SS18L1: variants seen among roughly 807,000 people sequenced by gnomAD.
The protein encoded by SS18L1 is calcium-responsive transactivator.
SS18L1 carries 32 observed loss-of-function variants against 70.3 expected under a neutral mutation model. The ratio of observed to expected loss-of-function variants is 0.46; its 90% CI spans 0.34 to 0.61. The LOEUF is 0.61. SS18L1 is among the 20% of genes least tolerant of loss of function. The pLI is 0.01. For synonymous variants in SS18L1, 237 were observed against 229.7 expected (o/e 1.03, Z -0.29); for missense variants, 430 against 542.1 (o/e 0.79, Z 2.05).
Position 62,159,227 on chromosome 20 carries a change from C to A in SS18L1, c.146+479C>A, listed in dbSNP as rs1321480737. ...GAGACAGCACCTACTCCAGGTGGGACCTCCTGTGACCCTGTGAACCTAGGG... is the reference window on the plus strand; with the variant it reads ...GAGACAGCACCTACTCCAGGTGGGAACTCCTGTGACCCTGTGAACCTAGGG... On this transcript the variant is annotated intron_variant, in intron 2 of 10. Coordinates refer to ENST00000331758, the MANE Select transcript of SS18L1 (RefSeq NM_198935.3). This position sits in a 1 kb window ranked among gnomAD's most constrained non-coding sequence, Gnocchi z 4.4. 1.3e-5 allele frequency among the ~76,000 whole-genome samples: 2 copies of A among 152,200 alleles called. No individual in the cohort carries two copies. Among genetic ancestry groups the A allele is most frequent in the Admixed American group, 6.5e-5 (1 of 15,286 alleles).
intron 1 of SS18L1, chr20:62,154,475 T>G (rs2057187402): frequency 9.7e-7 from 1 of 1,025,882 alleles, no homozygotes; most frequent in African/African-American, 1.7e-5. Flanking sequence ...GGTGAGTTCA[T>G]CTCTCCTCCA....
At chr20:62,163,004 CAT>C (rs1465014870) in intron 5 of SS18L1, 73 bp downstream of exon 5, 8 of 1,547,682 alleles carry the variant, frequency 5.2e-6, no homozygotes, top group Non-Finnish European at 6.1e-6. Context: ...GCACGTTGGA[CAT>C]GTGGTCCCGG....
chr20:62,164,141 G>T lies in SS18L1; in HGVS notation c.722-4G>T, dbSNP rs148627701. ...CACTGGCGCTGAATGTGGTTCCCCC[G>T]CAGGCTCTTCCCAGCAGTACCTGGG... is the stretch of plus-strand genomic sequence containing the variant. On this transcript the variant is annotated splice_region_variant and splice_polypyrimidine_tract_variant and intron_variant, in intron 6 of 10. Transcript: ENST00000331758. 2.6e-6 allele frequency: 4 copies of T among 1,548,924 alleles called. No individual in the cohort carries two copies. The highest frequency in any genetic ancestry group is 2.0e-5 in the Admixed American group (1 of 50,850).
intron 7 of SS18L1, among the ~76,000 whole-genome samples, chr20:62,164,451 C>T (rs1357598458): frequency 6.6e-6 from 1 of 152,244 alleles, no homozygotes; most frequent in Non-Finnish European, 1.5e-5. Flanking sequence ...GGTGCCTGGC[C>T]TCTGCAGAGA....
intron 10 of SS18L1, among the ~76,000 whole-genome samples, chr20:62,176,500 G>A (rs887609980): frequency 4.6e-5 from 7 of 152,050 alleles, no homozygotes; most frequent in Non-Finnish European, 1.0e-4. Context: ...GCTACAGAGA[G>A]CGAGACTTTG....
chr20:62,154,729 A>C (rs545996175), intron 1 of SS18L1, among the ~76,000 whole-genome samples: 4 of 152,202 alleles, frequency 2.6e-5, no homozygotes, highest in African/African-American at 9.6e-5. Flanking sequence ...TTTTTTGGCA[A>C]ACTGGTCACC....
Position 62,179,398 on chromosome 20 carries a change from G to A in SS18L1, c.*190G>A. ...ACACCACTGGCGTGAGACAGCGCTTGGTGGTGTGATACTTTTGGTGCTGTG... is the reference window on the plus strand; with the variant it reads ...ACACCACTGGCGTGAGACAGCGCTTAGTGGTGTGATACTTTTGGTGCTGTG... On this transcript the variant is annotated 3_prime_UTR_variant, in exon 11 of 11. Coordinates refer to ENST00000331758, the MANE Select transcript of SS18L1 (RefSeq NM_198935.3). The A allele has an allele frequency of 1.6e-6, 1 of 638,006 alleles. No homozygotes were observed. Among genetic ancestry groups the A allele is most frequent in the Non-Finnish European group, 2.8e-6 (1 of 356,348 alleles). 39.5% of individuals were successfully genotyped at this position (638,006 alleles called of 1,614,324 possible). A position where few individuals can be genotyped will look rare whatever the true frequency, so the allele number is the denominator to read the frequency against.
chr20:62,168,813 C>A (rs961231137), intron 8 of SS18L1, among the ~76,000 whole-genome samples: 2 of 152,154 alleles, frequency 1.3e-5, no homozygotes, highest in African/African-American at 4.8e-5. Context: ...GACCCTGTCT[C>A]AAAAATAAAA....
At chr20:62,169,850 CG>C (rs2057499183) in intron 8 of SS18L1, among the ~76,000 whole-genome samples, 1 of 107,892 alleles carries the variant, frequency 9.3e-6, no homozygotes, top group African/African-American at 5.2e-5. Context: ...CTGTCCACAC[CG>C]TCCACACCTC....
Position 62,174,889 on chromosome 20 carries a change from C to CA in SS18L1, c.1164+246dup. 11 of 985,486 alleles carry CA rather than the reference C, an allele frequency of 1.1e-5. No individual in the cohort carries two copies. The highest frequency in any genetic ancestry group is 1.3e-5 in the Non-Finnish European group (11 of 829,942). 61.0% of individuals were successfully genotyped at this position (985,486 alleles called of 1,614,324 possible). A position where few individuals can be genotyped will look rare whatever the true frequency, so the allele number is the denominator to read the frequency against. ...CCGTTAGATCTGCACGCCTGGTTCT[C>CA]ACATTCATTCACTCTGCCAGTGTTT... On this transcript the variant is annotated intron_variant, in intron 10 of 10. Transcript: ENST00000331758. The surrounding 1 kb of genome is among the most constrained non-coding windows in gnomAD (Gnocchi z 4.1).
At position 62,158,643 on chromosome 20, in the gene SS18L1, G is replaced by A. The variant is rs767620403; in HGVS notation, c.70-29G>A. 2.0e-5 allele frequency: 32 copies of A among 1,609,648 alleles called. No homozygotes were observed. Among genetic ancestry groups the A allele is most frequent in the African/African-American group, 1.1e-4 (8 of 74,900 alleles). Reference sequence around the variant, plus strand: ...CGAGGGTCAGCGACAGCCCCGCGTCGGCAGCGCCCGCTCACGCTCTCTCCG... The same window carrying A: ...CGAGGGTCAGCGACAGCCCCGCGTCAGCAGCGCCCGCTCACGCTCTCTCCG... On this transcript the variant is annotated intron_variant, in intron 1 of 10. Coordinates refer to ENST00000331758, the MANE Select transcript of SS18L1 (RefSeq NM_198935.3). The surrounding 1 kb of genome is among the most constrained non-coding windows in gnomAD (Gnocchi z 4.5).
chr20:62,169,491 C>T (rs1444925728), intron 8 of SS18L1, among the ~76,000 whole-genome samples: 1 of 152,160 alleles, frequency 6.6e-6, no homozygotes, highest in Non-Finnish European at 1.5e-5. Flanking sequence ...AATTAAACAT[C>T]ATTGGGGCCG....
chr20:62,160,126 C>T (rs1351718344), intron 3 of SS18L1, among the ~76,000 whole-genome samples, 165 bp downstream of exon 3: 1 of 150,192 alleles, frequency 6.7e-6, no homozygotes, highest in Non-Finnish European at 1.5e-5. Context: ...GTGACCAACC[C>T]TTCCTGACAG....
chr20:62,175,054 C>T (rs2145786923), intron 10 of SS18L1: 1 of 730,736 alleles, frequency 1.4e-6, no homozygotes, highest in Non-Finnish European at 1.7e-6. Flanking sequence ...GAGGACAGAG[C>T]GGGGGGCCCC....
In SS18L1 at chr20:62,158,757, C is replaced by T; in HGVS notation, c.146+9C>T. On this transcript the variant is annotated intron_variant, in intron 2 of 10. Transcript: ENST00000331758. This position sits in a 1 kb window ranked among gnomAD's most constrained non-coding sequence, Gnocchi z 4.5. The stretch of plus-strand genomic sequence containing the variant: ...ACGGCCGAGTGCACGCAGTGAGTGC[C>T]CGCCATACACCGGAACACTTGGAGG... The T allele has an allele frequency of 6.2e-7, 1 of 1,612,988 alleles. No homozygotes were observed. Among genetic ancestry groups the T allele is most frequent in the Non-Finnish European group, 8.5e-7 (1 of 1,180,012 alleles).
At chr20:62,146,309 T>C (rs1436676543) in intron 1 of SS18L1, among the ~76,000 whole-genome samples, 1 of 152,252 alleles carries the variant, frequency 6.6e-6, no homozygotes, top group African/African-American at 2.4e-5. Context: ...CCCCAGCCTC[T>C]CATAGTGTCT....
chr20:62,173,335 C>G (rs976631700), intron 9 of SS18L1, among the ~76,000 whole-genome samples: 6 of 150,286 alleles, frequency 4.0e-5, no homozygotes, highest in African/African-American at 1.5e-4. Flanking sequence ...GAGCTCCACA[C>G]ACGTGGTTTC....
chr20:62,145,608 G>A (rs1433696319), intron 1 of SS18L1, among the ~76,000 whole-genome samples: 1 of 152,216 alleles, frequency 6.6e-6, no homozygotes, highest in African/African-American at 2.4e-5. Context: ...AGGTAAAAGT[G>A]TGTATTGAGG....
At chr20:62,156,867 C>T (rs937383005) in intron 1 of SS18L1, among the ~76,000 whole-genome samples, 3 of 152,250 alleles carry the variant, frequency 2.0e-5, no homozygotes, top group African/African-American at 7.2e-5. Flanking sequence ...GGCTGAGTGA[C>T]CCAGCACGCT....
Sources: allele counts gnomAD v4.1 joint callset (sites outside exome capture counted in the v4.1 genomes callset), GRCh38; gene constraint gnomAD v4.1.1; non-coding constraint Gnocchi (gnomAD v3.1); transcripts MANE v1.5; gene names NCBI Gene and HGNC (gene_info 2026-07-23, HGNC 2026-07-21).